The following PTCHD4 variants were observed in gnomAD, a reference collection of about 807,000 sequenced individuals.
PTCHD4 encodes the protein patched domain-containing protein 4.
Under a neutral mutation model 58.1 loss-of-function variants are expected in PTCHD4, and 33 were observed. The observed-to-expected ratio is 0.57, with a 90% CI of 0.43 to 0.76. PTCHD4 has a LOEUF of 0.76. Ranked by LOEUF, PTCHD4 falls within the 30% of genes least tolerant of loss-of-function variation. The probability of loss-of-function intolerance (pLI) is 0.00; values close to 1 mark genes in which losing one functional copy is unlikely to be tolerated. For missense variants in PTCHD4, 1,058 were observed against 1,027.1 expected, an observed-to-expected ratio of 1.03 and a Z score of -0.41; for synonymous variants, 478 against 409.6, an observed-to-expected ratio of 1.17 and a Z score of -2.02.
At chr6:48,073,721 T>G (rs908634177) in intron 1 of PTCHD4, among the ~76,000 whole-genome samples, 4 of 152,150 alleles carry the variant, frequency 2.6e-5, no homozygotes, top group Non-Finnish European at 4.4e-5. Flanking sequence ...GCCTATGAGT[T>G]GCAGAGTTGC....
intron 1 of PTCHD4, among the ~76,000 whole-genome samples, chr6:48,106,463 G>A (rs1430128654): frequency 1.3e-5 from 2 of 152,084 alleles, no homozygotes; most frequent in African/African-American, 2.4e-5. Context: ...AAAATAATAA[G>A]AGCTATCTAT....
At chr6:47,893,139 T>G (rs1349904876) in intron 4 of PTCHD4, among the ~76,000 whole-genome samples, 2 of 152,086 alleles carry the variant, frequency 1.3e-5, no homozygotes, top group Non-Finnish European at 2.9e-5. Context: ...GCCTCCCGAG[T>G]AGCTGGGACT....
intron 4 of PTCHD4, among the ~76,000 whole-genome samples, chr6:47,947,398 T>G (rs1166867697): frequency 6.6e-6 from 1 of 152,168 alleles, no homozygotes; most frequent in Non-Finnish European, 1.5e-5. Flanking sequence ...TTATTCATGT[T>G]TCTTTTAGTA....
chr6:47,897,596 A>G (rs1764563935), intron 4 of PTCHD4, among the ~76,000 whole-genome samples: 2 of 152,190 alleles, frequency 1.3e-5, no homozygotes, highest in Admixed American at 6.5e-5. Flanking sequence ...AAGGAAGAAA[A>G]TCTAGATTTT....
intron 4 of PTCHD4, among the ~76,000 whole-genome samples, chr6:47,884,567 G>C (rs191961116): frequency 2.5e-4 from 38 of 152,322 alleles, no homozygotes; most frequent in African/African-American, 8.7e-4. Context: ...ATGCCCCACT[G>C]AATGATGATT....
chr6:48,097,568 C>T (rs958514370), intron 1 of PTCHD4, among the ~76,000 whole-genome samples: 1 of 152,120 alleles, frequency 6.6e-6, no homozygotes, highest in African/African-American at 2.4e-5. Flanking sequence ...GTTATCCAAC[C>T]TGCCTCTATA....
intron 4 of PTCHD4, among the ~76,000 whole-genome samples, chr6:47,934,313 C>T (rs888556317): frequency 1.3e-5 from 2 of 152,184 alleles, no homozygotes; most frequent in African/African-American, 4.8e-5. Flanking sequence ...CAGTAAAACC[C>T]TGTCTTATTC....
At position 47,875,102 on chromosome 6, in the gene PTCHD4, C is replaced by A. The variant is rs182499814; in HGVS notation, c.*3201G>T. On this transcript the variant is annotated 3_prime_UTR_variant, in exon 5 of 5. Coordinates refer to ENST00000339488, the MANE Select transcript of PTCHD4 (RefSeq NM_001384253.1). ...GAGTAGTTTTTTCAAACTTTATAAC[C>A]TCTTACTTTAAGGGCATATATGTTT... 1.3e-5 allele frequency among the ~76,000 whole-genome samples: 2 copies of A among 151,720 alleles called. No individual in the cohort carries two copies. Among genetic ancestry groups the A allele is most frequent in the African/African-American group, 4.8e-5 (2 of 41,340 alleles).
chr6:47,942,183 C>T (rs555472446), intron 4 of PTCHD4, among the ~76,000 whole-genome samples: 1 of 152,304 alleles, frequency 6.6e-6, no homozygotes, highest in East Asian at 1.9e-4. Context: ...CTGCTACTTT[C>T]AAAGATGTTC....
At chr6:47,917,077 T>C (rs1377781806) in intron 4 of PTCHD4, among the ~76,000 whole-genome samples, 1 of 152,088 alleles carries the variant, frequency 6.6e-6, no homozygotes, top group Non-Finnish European at 1.5e-5. Flanking sequence ...GATTATATTT[T>C]TCAAAATTTA....
chr6:48,013,721 T>G (rs1450204608), intron 3 of PTCHD4, among the ~76,000 whole-genome samples: 1 of 152,208 alleles, frequency 6.6e-6, no homozygotes, highest in East Asian at 1.9e-4. Context: ...TGATGTGGAA[T>G]TCTACTTCTG....
At chr6:47,904,452 T>A (rs531960258) in intron 4 of PTCHD4, among the ~76,000 whole-genome samples, 2 of 152,234 alleles carry the variant, frequency 1.3e-5, no homozygotes, top group African/African-American at 4.8e-5. Flanking sequence ...AATAGCAGAG[T>A]TGAGTAGTTG....
chr6:48,078,048 A>AAC (rs1765093357), intron 1 of PTCHD4, among the ~76,000 whole-genome samples: 1 of 152,240 alleles, frequency 6.6e-6, no homozygotes, highest in South Asian at 2.1e-4. Context: ...GGAGAAAAAA[A>AAC]ACACAATATC....
chr6:48,103,207 AG>A (rs1765645492), intron 1 of PTCHD4, among the ~76,000 whole-genome samples: 1 of 152,180 alleles, frequency 6.6e-6, no homozygotes, highest in Non-Finnish European at 1.5e-5. Flanking sequence ...ACCCCCCAGT[AG>A]GGGCAGACTG....
chr6:47,969,388 T>C (rs1247341474), intron 4 of PTCHD4, among the ~76,000 whole-genome samples: 2 of 152,236 alleles, frequency 1.3e-5, no homozygotes, highest in Non-Finnish European at 2.9e-5. Context: ...ATAATATCTT[T>C]TAATATCTAA....
intron 4 of PTCHD4, among the ~76,000 whole-genome samples, chr6:47,911,099 C>T (rs991755095): frequency 1.3e-5 from 2 of 152,104 alleles, no homozygotes; most frequent in Non-Finnish European, 1.5e-5. Flanking sequence ...TGGATCCATT[C>T]CCAGTTTTTC....
chr6:47,977,258 G>C (rs530625036), intron 4 of PTCHD4, among the ~76,000 whole-genome samples: 2 of 152,302 alleles, frequency 1.3e-5, no homozygotes, highest in African/African-American at 4.8e-5. Context: ...GAGTGAGCTA[G>C]ACTTAGTGAC....
intron 4 of PTCHD4, among the ~76,000 whole-genome samples, chr6:47,970,066 T>C (rs190825267): frequency 4.6e-5 from 7 of 152,174 alleles, no homozygotes; most frequent in Admixed American, 4.6e-4. Context: ...GAGAGAGTTG[T>C]TCCCATAAAA....
chr6:47,916,791 G>A (rs1219902977), intron 4 of PTCHD4, among the ~76,000 whole-genome samples: 1 of 152,112 alleles, frequency 6.6e-6, no homozygotes, highest in Non-Finnish European at 1.5e-5. Flanking sequence ...AGGCTGAATT[G>A]TAATAACTAA....
Sources: allele counts gnomAD v4.1 joint callset (sites outside exome capture counted in the v4.1 genomes callset), GRCh38; gene constraint gnomAD v4.1.1; transcripts MANE v1.5; gene names NCBI Gene and HGNC (gene_info 2026-07-23, HGNC 2026-07-21).